The following KMT2C variants were observed in gnomAD, a reference collection of about 807,000 sequenced individuals.
The protein encoded by KMT2C is histone-lysine N-methyltransferase 2C.
In KMT2C, 88 loss-of-function variants were observed where a neutral mutation model predicts 507.9. The ratio of observed to expected loss-of-function variants is 0.17; its 90% CI spans 0.15 to 0.21. The LOEUF is 0.21. Among genes scored for constraint, KMT2C ranks in the 10% least tolerant of loss-of-function variants. KMT2C has a pLI of 1.00. For missense variants in KMT2C, 4,954 were observed against 5,957.8 expected (o/e 0.83, Z 5.55); for synonymous variants, 2,049 against 2,080.8 (o/e 0.98, Z 0.42).
At chr7:152,172,346 T>C (rs1043757409) in intron 39 of KMT2C, among the ~76,000 whole-genome samples, 2 of 152,204 alleles carry the variant, frequency 1.3e-5, no homozygotes, top group African/African-American at 4.8e-5. Flanking sequence ...GGCAGATGCA[T>C]GATGCTAAAA....
chr7:152,311,024 A>G (rs1157615428), intron 5 of KMT2C, among the ~76,000 whole-genome samples: 1 of 152,120 alleles, frequency 6.6e-6, no homozygotes, highest in African/African-American at 2.4e-5. Context: ...GGTTATTATG[A>G]TGCACACACA....
At chr7:152,334,310 G>A (rs1020682662) in intron 2 of KMT2C, among the ~76,000 whole-genome samples, 2 of 152,148 alleles carry the variant, frequency 1.3e-5, no homozygotes, top group African/African-American at 4.8e-5. Flanking sequence ...GAATTAGCCG[G>A]GCGAGGTGGT....
chr7:152,334,098 A>C (rs1022326617), intron 2 of KMT2C, among the ~76,000 whole-genome samples: 1 of 152,210 alleles, frequency 6.6e-6, no homozygotes, highest in African/African-American at 2.4e-5. Flanking sequence ...CCAAAAAAAA[A>C]GGTATTCAGA....
In KMT2C at chr7:152,222,020, G is replaced by A. The variant is rs2129146583; in HGVS notation, c.3480C>T (p.Val1160=). 1 of 1,603,158 alleles carries A rather than the reference G, an allele frequency of 6.2e-7. No individual in the cohort carries two copies. The highest frequency in any genetic ancestry group is 8.5e-7 in the Non-Finnish European group (1 of 1,175,652). ...CCESSLVAQI[V]TKVKELDPPK... is the part of the protein sequence containing the mutation. Reference sequence around the variant, plus strand: ...TTTTACCTAGCTCTTTTACTTTTGTGACAATTTGTGCTACAAGTGAAGATT... The same window carrying A: ...TTTTACCTAGCTCTTTTACTTTTGTAACAATTTGTGCTACAAGTGAAGATT... The change falls in exon 22 of 59, where the codon GTC becomes GTT. Residue 1160 remains valine (V), a synonymous_variant. Transcript: ENST00000262189.
intron 55 of KMT2C, among the ~76,000 whole-genome samples, chr7:152,140,443 G>T (rs1031062561): frequency 2.6e-5 from 4 of 152,226 alleles, no homozygotes; most frequent in Non-Finnish European, 5.9e-5. Flanking sequence ...GTACTCCCGT[G>T]CTGGTGGCCT....
chr7:152,226,150 A>G (rs983135120), intron 18 of KMT2C, among the ~76,000 whole-genome samples: 1 of 152,030 alleles, frequency 6.6e-6, no homozygotes, highest in Non-Finnish European at 1.5e-5. Flanking sequence ...AAAGACCTGA[A>G]AAGATTAAAA....
At chr7:152,371,605 A>AT (rs1199913604) in intron 1 of KMT2C, among the ~76,000 whole-genome samples, 2 of 151,662 alleles carry the variant, frequency 1.3e-5, no homozygotes, top group African/African-American at 4.8e-5. Context: ...TTTTTTTTTA[A>AT]TTTTTTCATT....
chr7:152,412,609 T>C (rs1437534310), intron 1 of KMT2C, among the ~76,000 whole-genome samples: 1 of 152,178 alleles, frequency 6.6e-6, no homozygotes, highest in Non-Finnish European at 1.5e-5. Context: ...TGGCCAAATG[T>C]ATTCTACTCC....
At chr7:152,317,729 AG>A (rs2096733715) in intron 3 of KMT2C, among the ~76,000 whole-genome samples, 1 of 152,242 alleles carries the variant, frequency 6.6e-6, no homozygotes, top group South Asian at 2.1e-4. Flanking sequence ...CAACTCAGCC[AG>A]GAACAGTGGC....
At chr7:152,316,453 T>C (rs1014571676) in intron 3 of KMT2C, among the ~76,000 whole-genome samples, 15 of 152,082 alleles carry the variant, frequency 9.9e-5, no homozygotes, top group African/African-American at 3.4e-4. Context: ...ACAATCAATA[T>C]ACATATATAG....
At chr7:152,219,094 C>T (rs1459697258) in intron 23 of KMT2C, among the ~76,000 whole-genome samples, 2 of 151,932 alleles carry the variant, frequency 1.3e-5, no homozygotes, top group East Asian at 1.9e-4. Flanking sequence ...CTTGGCCTCC[C>T]GAGTAGCTGG....
intron 51 of KMT2C, among the ~76,000 whole-genome samples, chr7:152,149,488 A>C (rs1028845626): frequency 1.3e-5 from 2 of 152,214 alleles, no homozygotes; most frequent in Non-Finnish European, 2.9e-5. Flanking sequence ...AAACACACAC[A>C]CACTCACAAT....
chr7:152,174,135 T>C lies in KMT2C; in HGVS notation c.9370A>G (p.Ser3124Gly). ...NNLGMPPMVM[S>G]RFPFMGQVVT... ...ACAAGCAGCCACTCCACCTACCTGCTCATCACCATTGGTGGCATGCCCAGA... is the reference window on the plus strand; with the variant it reads ...ACAAGCAGCCACTCCACCTACCTGCCCATCACCATTGGTGGCATGCCCAGA... Residue 3124 changes from serine (S) to glycine (G), a missense_variant, in exon 39 of 59, where the codon AGC becomes GGC. Around this residue, in one of 29 missense-constraint regions of KMT2C, gnomAD observed 1,689 missense variants for 1,654.3 expected, o/e 1.02. Coordinates refer to ENST00000262189, the MANE Select transcript of KMT2C (RefSeq NM_170606.3). The C allele has an allele frequency of 6.4e-7, 1 of 1,572,518 alleles. No homozygotes were observed. Among genetic ancestry groups the C allele is most frequent in the Non-Finnish European group, 8.7e-7 (1 of 1,148,594 alleles).
Position 152,148,621 on chromosome 7 carries a change from A to G in KMT2C, c.13306T>C (p.Ser4436Pro). The G allele has an allele frequency of 6.2e-7, 1 of 1,614,146 alleles. No individual in the cohort carries two copies. The highest frequency in any genetic ancestry group is 8.5e-7 in the Non-Finnish European group (1 of 1,179,998). ...LWVHLNCALW[S>P]TEVYETQAGA... Reference sequence around the variant, plus strand: ...GCCTGAGTCTCATAGACCTCCGTGGACCACAGAGCGCAGTTCAAGTGGACC... The same window carrying G: ...GCCTGAGTCTCATAGACCTCCGTGGGCCACAGAGCGCAGTTCAAGTGGACC... The change falls in exon 52 of 59, where the codon TCC becomes CCC. Residue 4436 changes from serine (S) to proline (P), a missense_variant. Physicochemically the swap from Ser to Pro is moderately conservative, Grantham distance 74. Around this residue, in one of 29 missense-constraint regions of KMT2C, gnomAD observed 39 missense variants for 101.8 expected, o/e 0.38. Transcript: ENST00000262189. The surrounding 1 kb of genome is among the most constrained non-coding windows in gnomAD (Gnocchi z 7.1).
intron 42 of KMT2C, among the ~76,000 whole-genome samples, chr7:152,166,478 C>T (rs1587856605): frequency 6.6e-6 from 1 of 152,002 alleles, no homozygotes; most frequent in Admixed American, 6.6e-5. Context: ...GGCTCTGAAC[C>T]CATTTTGTAC....
chr7:152,275,151 T>C (rs1368855487), intron 6 of KMT2C, among the ~76,000 whole-genome samples: 2 of 152,354 alleles, frequency 1.3e-5, no homozygotes, highest in Middle Eastern at 3.4e-3. Flanking sequence ...TATCACATAC[T>C]ATCAAACTCT....
intron 34 of KMT2C, among the ~76,000 whole-genome samples, chr7:152,184,596 G>A: frequency 6.6e-6 from 1 of 152,180 alleles, no homozygotes; most frequent in African/African-American, 2.4e-5. Context: ...AGGTGACTGT[G>A]GAAGACACTG....
At chr7:152,305,237 C>CT (rs1181697194) in intron 6 of KMT2C, among the ~76,000 whole-genome samples, 2 of 152,120 alleles carry the variant, frequency 1.3e-5, no homozygotes, top group African/African-American at 4.8e-5. Context: ...AATATACACT[C>CT]TGTCAGAGGT....
Position 152,144,936 on chromosome 7 carries a change from T to G in KMT2C, c.14175-55A>C. On this transcript the variant is annotated intron_variant, in intron 54 of 58. Coordinates refer to ENST00000262189, the MANE Select transcript of KMT2C (RefSeq NM_170606.3). The surrounding 1 kb of genome is among the most constrained non-coding windows in gnomAD (Gnocchi z 4.4). ...AAATACAAGGAAAACTGAAGATACC[T>G]CTGAGTAATGCCCAAAACCAGGTTA... 3.3e-6 allele frequency: 5 copies of G among 1,529,184 alleles called. No individual in the cohort carries two copies. The highest frequency in any genetic ancestry group is 4.4e-6 in the Non-Finnish European group (5 of 1,127,860). 94.7% of individuals were successfully genotyped at this position (1,529,184 alleles called of 1,614,324 possible).
Sources: gnomAD v4.1 joint callset for allele counts (sites outside exome capture counted in the v4.1 genomes callset) on GRCh38, gnomAD v4.1.1 for gene constraint, gnomAD v4.1.1 regional missense constraint, Gnocchi (gnomAD v3.1) non-coding constraint, MANE v1.5 for transcripts, NCBI Gene and HGNC (gene_info 2026-07-23, HGNC 2026-07-21) for gene names.